Variants in PLD1 observed in about 807,000 individuals in gnomAD.
PLD1 encodes phospholipase D1.
A neutral mutation model predicts 137.1 loss-of-function variants in PLD1; 112 were observed. That is an observed-to-expected ratio of 0.82 (90% confidence interval 0.70 to 0.96). PLD1 has a LOEUF of 0.96. PLD1 is among the 40% of genes least tolerant of loss of function. The pLI is 0.00. For missense variants in PLD1, 1,321 were observed against 1,342.0 expected, an observed-to-expected ratio of 0.98 and a Z score of 0.24; for synonymous variants, 431 against 454.7, an observed-to-expected ratio of 0.95 and a Z score of 0.66.
At chr3:171,728,340 C>T (rs1488572476) in intron 6 of PLD1, among the ~76,000 whole-genome samples, 4 of 151,924 alleles carry the variant, frequency 2.6e-5, no homozygotes, top group East Asian at 3.9e-4. Flanking sequence ...ACAAAAAACA[C>T]CTCAAGGTCT....
intron 1 of PLD1, chr3:171,792,434 A>G: frequency 2.7e-6 from 1 of 366,868 alleles, no homozygotes; most frequent in South Asian, 2.0e-5. Context: ...GGGAATGCAG[A>G]TGGATCAGGG....
chr3:171,743,718 G>A (rs1283935329), intron 1 of PLD1, among the ~76,000 whole-genome samples: 1 of 152,170 alleles, frequency 6.6e-6, no homozygotes, highest in African/African-American at 2.4e-5. Flanking sequence ...TAGGTTCATG[G>A]TTGCACTCTC....
At chr3:171,737,864 C>G (rs762535503) in intron 2 of PLD1, 28 bp downstream of exon 2, 2 of 1,590,738 alleles carry the variant, frequency 1.3e-6, no homozygotes, top group African/African-American at 2.7e-5. Flanking sequence ...AAACTCTTTT[C>G]TTCCCCGCTC....
chr3:171,777,176 C>CT (rs1722619308), intron 1 of PLD1, among the ~76,000 whole-genome samples: 1 of 151,902 alleles, frequency 6.6e-6, no homozygotes, highest in African/African-American at 2.4e-5. Context: ...TATTTTCTTT[C>CT]TTTTTTAAAT....
In PLD1 at chr3:171,642,102, T is replaced by C. The variant is rs532191180; in HGVS notation, c.2593+738A>G. 2.0e-5 allele frequency among the ~76,000 whole-genome samples: 3 copies of C among 152,206 alleles called. No homozygotes were observed. In the South Asian group the frequency reaches 6.2e-4, roughly 32 times the overall value. On this transcript the variant is annotated intron_variant, in intron 23 of 26. Transcript: ENST00000351298. ...AACCCATAGTTCAGGGAGCTATAGA[T>C]AGGTAAACCCCTAGTTACAATATAT...
intron 3 of PLD1, among the ~76,000 whole-genome samples, chr3:171,736,244 T>C (rs555962537): frequency 6.6e-6 from 1 of 152,262 alleles, no homozygotes; most frequent in South Asian, 2.1e-4. Flanking sequence ...TATAATATAA[T>C]ACATATGTAT....
intron 19 of PLD1, among the ~76,000 whole-genome samples, chr3:171,665,766 A>AG (rs1712062606): frequency 6.6e-6 from 1 of 151,970 alleles, no homozygotes; most frequent in South Asian, 2.1e-4. Context: ...GAAAAAGCGG[A>AG]GGGGGCTCCC....
chr3:171,806,637 T>C (rs1723858763), intron 1 of PLD1, among the ~76,000 whole-genome samples: 1 of 152,258 alleles, frequency 6.6e-6, no homozygotes, highest in Non-Finnish European at 1.5e-5. Context: ...ACATATCTTA[T>C]GTGTTGGGTC....
At chr3:171,770,752 G>A (rs925244050) in intron 1 of PLD1, among the ~76,000 whole-genome samples, 3 of 151,672 alleles carry the variant, frequency 2.0e-5, no homozygotes, top group East Asian at 1.9e-4. Flanking sequence ...AGCTGGGTGC[G>A]GTGGCATGCA....
intron 21 of PLD1, among the ~76,000 whole-genome samples, chr3:171,645,400 T>C (rs1019190879): frequency 2.6e-5 from 4 of 152,110 alleles, no homozygotes; most frequent in Non-Finnish European, 1.5e-5. Flanking sequence ...GTTAACACAG[T>C]ACCTAGCTAG....
chr3:171,607,200 A>T (rs985990681), intron 25 of PLD1, among the ~76,000 whole-genome samples: 17 of 152,116 alleles, frequency 1.1e-4, no homozygotes, highest in Admixed American at 9.2e-4. Context: ...AACTTTTTTT[A>T]AAAAAAGATT....
At chr3:171,747,413 A>G (rs1224915121) in intron 1 of PLD1, among the ~76,000 whole-genome samples, 1 of 151,464 alleles carries the variant, frequency 6.6e-6, no homozygotes. Flanking sequence ...GTGGGAAGCT[A>G]TGGCCAGCCA....
At chr3:171,768,340 G>C (rs533019535) in intron 1 of PLD1, among the ~76,000 whole-genome samples, 1 of 152,172 alleles carries the variant, frequency 6.6e-6, no homozygotes, top group African/African-American at 2.4e-5. Flanking sequence ...TGGTTCTTGA[G>C]GGGGGCAAGA....
rs78942109 is a variant in PLD1 at position 171,649,349 on chromosome 3, G to C, written c.2430-4326C>G. ...ATTTTAAACTGCGTTCAGCAAACTAGTGGAAACTATTTAGATTTTCACTGC... is the reference window on the plus strand; with the variant it reads ...ATTTTAAACTGCGTTCAGCAAACTACTGGAAACTATTTAGATTTTCACTGC... On this transcript the variant is annotated intron_variant, in intron 21 of 26. Coordinates refer to ENST00000351298, the MANE Select transcript of PLD1 (RefSeq NM_002662.5). Among the ~76,000 whole-genome samples, 11 of 152,210 alleles carry C rather than the reference G, an allele frequency of 7.2e-5. No individual in the cohort carries two copies. In the East Asian group the frequency reaches 2.1e-3, roughly 29 times the overall value.
chr3:171,785,700 G>A (rs1722987266), intron 1 of PLD1, among the ~76,000 whole-genome samples: 1 of 152,218 alleles, frequency 6.6e-6, no homozygotes, highest in Non-Finnish European at 1.5e-5. Context: ...GCCTCCCAAA[G>A]TGCTGGGATT....
chr3:171,607,970 T>C (rs1191257198), intron 25 of PLD1, among the ~76,000 whole-genome samples: 1 of 152,100 alleles, frequency 6.6e-6, no homozygotes, highest in Non-Finnish European at 1.5e-5. Context: ...GTGAAAAAAA[T>C]GGTTGTAGTC....
intron 23 of PLD1, among the ~76,000 whole-genome samples, chr3:171,626,803 G>C (rs1299992616): frequency 6.6e-6 from 1 of 152,184 alleles, no homozygotes; most frequent in African/African-American, 2.4e-5. Flanking sequence ...AGCAAATGCT[G>C]AGACATTTTG....
intron 26 of PLD1, among the ~76,000 whole-genome samples, chr3:171,604,172 G>T (rs905615075): frequency 6.6e-6 from 1 of 151,888 alleles, no homozygotes; most frequent in Non-Finnish European, 1.5e-5. Context: ...AAATTAGCTG[G>T]GTGTGCTGGT....
rs1159464458 is a variant in PLD1, at chr3:171,724,766, A to T, written c.688T>A (p.Ser230Thr). 6.2e-7 allele frequency: 1 copy of T among 1,608,290 alleles called. No homozygotes were observed. Among genetic ancestry groups the T allele is most frequent in the Admixed American group, 1.7e-5 (1 of 60,004 alleles). The change falls in exon 8 of 27, where the codon TCT (serine) becomes ACT (threonine). Residue 230 changes from serine to threonine, a missense_variant. Physicochemically the swap from Ser to Thr is moderately conservative, Grantham distance 58 (BLOSUM62 1). Coordinates refer to ENST00000351298, the MANE Select transcript of PLD1 (RefSeq NM_002662.5). Reference sequence around the variant, plus strand: ...AAGCCTGGTATTCTGTGTCCTCCAGATCTTTTCATTATCATACCTTCTCTG... The same window carrying T: ...AAGCCTGGTATTCTGTGTCCTCCAGTTCTTTTCATTATCATACCTTCTCTG... The part of the protein sequence containing the change: ...KGIEGMIMKR[S>T]GGHRIPGLNC...
Sources: allele counts gnomAD v4.1 joint callset (sites outside exome capture counted in the v4.1 genomes callset), GRCh38; gene constraint gnomAD v4.1.1; transcripts MANE v1.5; gene names NCBI Gene and HGNC (gene_info 2026-07-23, HGNC 2026-07-21).